NDST1: variants seen among roughly 807,000 people sequenced by gnomAD.
The protein encoded by NDST1 is bifunctional heparan sulfate N-deacetylase/N-sulfotransferase 1.
In NDST1, 35 loss-of-function variants were observed where a neutral mutation model predicts 92.8. The observed-to-expected ratio is 0.38, with a 90% CI of 0.29 to 0.50. The LOEUF (loss-of-function observed/expected upper bound fraction) is 0.50. Ranked by LOEUF, NDST1 falls within the 20% of genes least tolerant of loss-of-function variation. The pLI, the probability that NDST1 is intolerant of heterozygous loss-of-function variation, is 0.94. For missense variants in NDST1, 822 were observed against 1,182.7 expected (o/e 0.69, Z 4.47); for synonymous variants, 493 against 500.3 (o/e 0.99, Z 0.19).
chr5:150,536,617 G>A (rs1270249337), intron 6 of NDST1, among the ~76,000 whole-genome samples: 1 of 151,642 alleles, frequency 6.6e-6, no homozygotes, highest in Non-Finnish European at 1.5e-5. Context: ...CTAGGCTGGA[G>A]TGCAATGGCA....
At chr5:150,543,094 C>A in intron 10 of NDST1, 123 bp downstream of exon 10, 2 of 1,334,106 alleles carry the variant, frequency 1.5e-6, no homozygotes, top group Non-Finnish European at 1.1e-6. Flanking sequence ...TTCCTGTAAA[C>A]AGGGACAAAG....
At chr5:150,522,121 C>T (rs780319704) in intron 2 of NDST1, among the ~76,000 whole-genome samples, 1 of 152,120 alleles carries the variant, frequency 6.6e-6, no homozygotes, top group Non-Finnish European at 1.5e-5. Context: ...GCGTGTGCAC[C>T]CATTTTTCAG....
intron 10 of NDST1, 89 bp from the exon 11 acceptor site, chr5:150,545,223 C>G: frequency 6.8e-7 from 1 of 1,469,512 alleles, no homozygotes; most frequent in Non-Finnish European, 9.5e-7. Flanking sequence ...TGAGGACATT[C>G]TACCCCAGTG....
rs116576201 is a variant in NDST1, at chr5:150,525,129, G to A, written c.514-2675G>A. Among the ~76,000 whole-genome samples, 697 of 152,274 alleles carry A rather than the reference G, an allele frequency of 4.6e-3. 3 individuals are homozygous for A. The highest frequency in any genetic ancestry group is 0.016 in the African/African-American group (661 of 41,538). ...CCCCATTGGAAGACTTGGTGTCTCCGGAGTGGGTACTCAGTGGTGAGGAGC... is the reference window on the plus strand; with the variant it reads ...CCCCATTGGAAGACTTGGTGTCTCCAGAGTGGGTACTCAGTGGTGAGGAGC... On this transcript the variant is annotated intron_variant, in intron 2 of 14. Transcript: ENST00000261797.
At chr5:150,505,788 A>G (rs762641071), upstream of NDST1, among the ~76,000 whole-genome samples, 49 of 152,016 alleles carry the variant, frequency 3.2e-4, no homozygotes, top group Non-Finnish European at 5.9e-4. Flanking sequence ...TTAAAATTTT[A>G]TTTTTTTTAG....
chr5:150,536,869 C>T (rs1755015856), intron 6 of NDST1, among the ~76,000 whole-genome samples: 1 of 152,254 alleles, frequency 6.6e-6, no homozygotes, highest in African/African-American at 2.4e-5. Flanking sequence ...CCCAGCCTCA[C>T]ATCTATCCCT....
In NDST1 at chr5:150,535,031, A is replaced by G; in HGVS notation, c.1251+10A>G. On this transcript the variant is annotated intron_variant, in intron 5 of 14. Coordinates refer to ENST00000261797, the MANE Select transcript of NDST1 (RefSeq NM_001543.5). ...CAAGAAGTTCGCTGTCGTGAGTAAG[A>G]TTCCTTGCAGGGCAGAGCGGGGCGG... The G allele has an allele frequency of 6.2e-7, 1 of 1,613,094 alleles. No homozygotes were observed. Among genetic ancestry groups the G allele is most frequent in the Non-Finnish European group, 8.5e-7 (1 of 1,179,466 alleles).
At chr5:150,513,055 G>T (rs879925345) in intron 1 of NDST1, among the ~76,000 whole-genome samples, 2 of 152,124 alleles carry the variant, frequency 1.3e-5, no homozygotes, top group Non-Finnish European at 2.9e-5. Flanking sequence ...AATTAGCTGG[G>T]CATGGTGGCA....
chr5:150,557,511 C>G lies in NDST1; in HGVS notation c.*4179C>G, dbSNP rs1056821290. The G allele has an allele frequency of 3.9e-5, 6 of 152,414 alleles. No homozygotes were observed. The highest frequency in any genetic ancestry group is 1.4e-4 in the African/African-American group (6 of 41,446). 9.4% of individuals were successfully genotyped at this position (152,414 alleles called of 1,614,324 possible). A position where few individuals can be genotyped will look rare whatever the true frequency, so the allele number is the denominator to read the frequency against. Reference sequence around the variant, plus strand: ...GCAGCAGGAGCTGTGAAGTTTCATCCCAGCCGGGTGCATTTAGTAGCTGCC... The same window carrying G: ...GCAGCAGGAGCTGTGAAGTTTCATCGCAGCCGGGTGCATTTAGTAGCTGCC... On this transcript the variant is annotated 3_prime_UTR_variant, in exon 15 of 15. Transcript: ENST00000261797. The surrounding 1 kb of genome is among the most constrained non-coding windows in gnomAD (Gnocchi z 4.7).
intron 4 of NDST1, among the ~76,000 whole-genome samples, chr5:150,533,277 G>A (rs1019812504): frequency 6.6e-6 from 1 of 152,248 alleles, no homozygotes; most frequent in African/African-American, 2.4e-5. Flanking sequence ...CTTTCGGGCT[G>A]AGCTGGCCTG....
Position 150,521,535 on chromosome 5 carries a change from C to T in NDST1, c.281C>T (p.Ser94Leu), listed in dbSNP as rs1302936367. ...CTGGTCTTTGTGGAGAGCCTCTACT[C>T]GCAACTGGGCCAGGAGGTGGTGGCC... is the stretch of plus-strand genomic sequence containing the variant. ...LVLVFVESLY[S>L]QLGQEVVAIL... The change falls in exon 2 of 15, where the codon TCG becomes TTG. Residue 94 changes from serine to leucine, a missense_variant. Transcript: ENST00000261797. The surrounding 1 kb of genome is among the most constrained non-coding windows in gnomAD (Gnocchi z 5.9). 15 of 1,613,880 alleles carry T rather than the reference C, an allele frequency of 9.3e-6. No individual in the cohort carries two copies. Among genetic ancestry groups the T allele is most frequent in the East Asian group, 4.5e-5 (2 of 44,882 alleles).
chr5:150,511,463 G>A (rs1034658648), intron 1 of NDST1, among the ~76,000 whole-genome samples: 3 of 152,204 alleles, frequency 2.0e-5, no homozygotes, highest in Non-Finnish European at 4.4e-5. Context: ...GCTGAGGCTG[G>A]CATTGGAGGA....
At chr5:150,532,324 C>T (rs890132586) in intron 3 of NDST1, among the ~76,000 whole-genome samples, 10 of 152,102 alleles carry the variant, frequency 6.6e-5, no homozygotes, top group African/African-American at 2.4e-4. Context: ...TTGATGAAAC[C>T]AAGGCCTAGA....
Position 150,537,154 on chromosome 5 carries a change from G to A in NDST1, c.1437+1269G>A, listed in dbSNP as rs193015866. ...CTTAATCCCGTCATCTTCATAAGCTGAGGATGAATGTCGTCTCAGGACCCT... is the reference window on the plus strand; with the variant it reads ...CTTAATCCCGTCATCTTCATAAGCTAAGGATGAATGTCGTCTCAGGACCCT... On this transcript the variant is annotated intron_variant, in intron 6 of 14. Coordinates refer to ENST00000261797, the MANE Select transcript of NDST1 (RefSeq NM_001543.5). Among the ~76,000 whole-genome samples the A allele has an allele frequency of 2.8e-3, 421 of 152,342 alleles. 2 individuals carry two copies. The highest frequency in any genetic ancestry group is 9.1e-3 in the African/African-American group (379 of 41,590).
intron 1 of NDST1, among the ~76,000 whole-genome samples, chr5:150,498,484 G>A (rs1176741546): frequency 6.6e-6 from 1 of 152,188 alleles, no homozygotes; most frequent in Non-Finnish European, 1.5e-5. Context: ...ACTCTGTGCT[G>A]GGCTTTCTAG....
rs765296656 is a variant in NDST1, at chr5:150,521,783, G to C, written c.513+16G>C. Reference sequence around the variant, plus strand: ...CTTCTTCAAGGTACACAAGAAGCAGGGTCCCCGAGCAGTTCAGAGCCCCCT... The same window carrying C: ...CTTCTTCAAGGTACACAAGAAGCAGCGTCCCCGAGCAGTTCAGAGCCCCCT... On this transcript the variant is annotated intron_variant, in intron 2 of 14. Coordinates refer to ENST00000261797, the MANE Select transcript of NDST1 (RefSeq NM_001543.5). This position sits in a 1 kb window ranked among gnomAD's most constrained non-coding sequence, Gnocchi z 5.9. 20 of 1,611,414 alleles carry C rather than the reference G, an allele frequency of 1.2e-5. No individual in the cohort carries two copies. The South Asian group carries it at 2.2e-4, about 18-fold the overall frequency.
intron 6 of NDST1, among the ~76,000 whole-genome samples, chr5:150,538,856 C>A (rs1055200242): frequency 6.6e-6 from 1 of 152,168 alleles, no homozygotes; most frequent in Non-Finnish European, 1.5e-5. Context: ...TGTGTGACAA[C>A]GAGTGTCACC....
chr5:150,516,585 G>C (rs185501840), intron 1 of NDST1, among the ~76,000 whole-genome samples: 1 of 152,200 alleles, frequency 6.6e-6, no homozygotes, highest in Non-Finnish European at 1.5e-5. Flanking sequence ...CAGTCTGCAC[G>C]TGTAACCAGT....
chr5:150,544,937 G>C (rs765058893), intron 10 of NDST1, among the ~76,000 whole-genome samples: 2 of 152,122 alleles, frequency 1.3e-5, no homozygotes, highest in African/African-American at 4.8e-5. Context: ...GCCCCAGCTC[G>C]CCCCCTAGAG....
Sources: gnomAD v4.1 joint callset for allele counts (sites outside exome capture counted in the v4.1 genomes callset) on GRCh38, gnomAD v4.1.1 for gene constraint, Gnocchi (gnomAD v3.1) non-coding constraint, MANE v1.5 for transcripts, NCBI Gene and HGNC (gene_info 2026-07-23, HGNC 2026-07-21) for gene names.